LTF: variants seen among roughly 807,000 people sequenced by gnomAD.
LTF encodes the protein lactotransferrin, also known as epididymis luminal protein 110.
A neutral mutation model predicts 87.2 loss-of-function variants in LTF; 91 were observed. That is an observed-to-expected ratio of 1.04 (90% CI 0.88 to 1.24). LTF has a LOEUF of 1.24. LTF is among the 50% of genes most tolerant of loss of function. The pLI is 0.00. For synonymous variants in LTF, 378 were observed against 356.1 expected (o/e 1.06, Z -0.69); for missense variants, 901 against 904.3 (o/e 1.00, Z 0.05).
chr3:46,463,278 G>A (rs926944883), intron 1 of LTF, among the ~76,000 whole-genome samples: 2 of 152,210 alleles, frequency 1.3e-5, no homozygotes, highest in Non-Finnish European at 2.9e-5. Context: ...GCCAGGACAG[G>A]AGTTACTCTC....
chr3:46,446,568 A>C, intron 10 of LTF, 75 bp from the exon 11 acceptor site: 4 of 1,247,654 alleles, frequency 3.2e-6, no homozygotes, highest in Non-Finnish European at 4.7e-6. Context: ...TTAAATCTCA[A>C]TGATGCAGAA....
intron 1 of LTF, chr3:46,460,631 C>T: frequency 2.2e-6 from 1 of 453,428 alleles, no homozygotes; most frequent in South Asian, 1.6e-5. Flanking sequence ...TGGTGAAAGA[C>T]TGACTGCTTT....
intron 7 of LTF, 32 bp from the exon 8 acceptor site, chr3:46,450,060 A>G: frequency 6.6e-7 from 1 of 1,523,624 alleles, no homozygotes; most frequent in Non-Finnish European, 8.9e-7. Context: ...TATGGTGTCA[A>G]TGGTAAATAG....
At chr3:46,481,270 G>A (rs1247009274) in intron 1 of LTF, among the ~76,000 whole-genome samples, 2 of 152,184 alleles carry the variant, frequency 1.3e-5, no homozygotes, top group Non-Finnish European at 1.5e-5. Flanking sequence ...CAACTAGGCT[G>A]GCCAGCTTGT....
chr3:46,459,901 A>G, intron 1 of LTF, 82 bp from the exon 2 acceptor site: 1 of 1,020,710 alleles, frequency 9.8e-7, no homozygotes, highest in Non-Finnish European at 1.3e-6. Flanking sequence ...AGTTTTCCAG[A>G]CTCCTCCCTC....
intron 1 of LTF, among the ~76,000 whole-genome samples, chr3:46,475,400 A>G (rs1295883780): frequency 6.6e-6 from 1 of 152,176 alleles, no homozygotes; most frequent in Non-Finnish European, 1.5e-5. Context: ...ATACTCTCCA[A>G]TACATTCCAT....
At chr3:46,477,486 C>T (rs1211962339) in intron 1 of LTF, among the ~76,000 whole-genome samples, 2 of 152,220 alleles carry the variant, frequency 1.3e-5, no homozygotes, top group Non-Finnish European at 2.9e-5. Context: ...ACATCGCAGG[C>T]AGGGGAGTTT....
chr3:46,456,024 G>A (rs1203040859), intron 3 of LTF, 46 bp from the exon 4 acceptor site: 3 of 1,492,372 alleles, frequency 2.0e-6, no homozygotes, highest in Non-Finnish European at 8.9e-7. Flanking sequence ...CTGGACAAGA[G>A]GGACAAAAAC....
rs1429889056 is a variant in LTF at position 46,447,288 on chromosome 3, A to C, written c.1303+20T>G. 9 of 1,600,414 alleles carry C rather than the reference A, an allele frequency of 5.6e-6. No individual in the cohort carries two copies. Among genetic ancestry groups the C allele is most frequent in the Non-Finnish European group, 7.7e-6 (9 of 1,167,532 alleles). On this transcript the variant is annotated intron_variant, in intron 10 of 16. Coordinates refer to ENST00000231751, the MANE Select transcript of LTF (RefSeq NM_002343.6). Reference sequence around the variant, plus strand: ...CCATGACCCAGAGGGAATATACCAGAGGATGCTAACTCCACTTACTGTAGT... The same window carrying C: ...CCATGACCCAGAGGGAATATACCAGCGGATGCTAACTCCACTTACTGTAGT...
intron 1 of LTF, 105 bp downstream of exon 1, chr3:46,464,720 G>C: frequency 7.8e-7 from 1 of 1,281,760 alleles, no homozygotes; most frequent in Non-Finnish European, 1.1e-6. Context: ...GCGGGGCGCA[G>C]AGACCCCGCG....
intron 1 of LTF, among the ~76,000 whole-genome samples, chr3:46,477,477 C>T (rs1257497910): frequency 1.3e-5 from 2 of 152,234 alleles, no homozygotes; most frequent in African/African-American, 4.8e-5. Context: ...AGTGGTTAAA[C>T]ATCGCAGGCA....
intron 6 of LTF, among the ~76,000 whole-genome samples, chr3:46,452,728 A>G (rs1042858618): frequency 7.2e-5 from 11 of 152,248 alleles, no homozygotes; most frequent in African/African-American, 2.7e-4. Flanking sequence ...GGATATATAC[A>G]AACTTGGTGT....
intron 1 of LTF, among the ~76,000 whole-genome samples, chr3:46,478,966 C>A (rs944916384): frequency 6.6e-6 from 1 of 152,232 alleles, no homozygotes; most frequent in Admixed American, 6.5e-5. Flanking sequence ...GTTCCCTCAA[C>A]TAAAGCCATC....
rs370285944 is a variant in LTF at position 46,445,245 on chromosome 3, G to A, written c.1513+36C>T. On this transcript the variant is annotated intron_variant, in intron 12 of 16. Transcript: ENST00000231751. ...CACAGCACAATATGCCTACCCTCCA[G>A]GGTGGCCCACCCACCGCACCTTTGG... 3.2e-6 allele frequency: 5 copies of A among 1,577,196 alleles called. No individual in the cohort carries two copies. In the South Asian group the frequency reaches 5.8e-5, roughly 18 times the overall value.
rs1702627289 is a variant in LTF at position 46,445,395 on chromosome 3, G to A, written c.1399C>T (p.Leu467Phe). The A allele has an allele frequency of 6.2e-7, 1 of 1,613,756 alleles. No individual in the cohort carries two copies. Among genetic ancestry groups the A allele is most frequent in the African/African-American group, 1.3e-5 (1 of 74,904 alleles). Residue 467 changes from leucine (L) to phenylalanine (F), a missense_variant, in exon 12 of 17, where the codon CTT becomes TTT. Coordinates refer to ENST00000231751, the MANE Select transcript of LTF (RefSeq NM_002343.6). The part of the protein sequence containing the change: ...VAVVRRSDTS[L>F]TWNSVKGKKS... ...TTGCCTTTCACAGAGTTCCAGGTAA[G>A]GCTAGTGTCTGATCTCCTAACCACC...
intron 3 of LTF, 37 bp downstream of exon 3, chr3:46,456,253 G>A (rs1475662014): frequency 1.3e-6 from 2 of 1,552,868 alleles, no homozygotes; most frequent in Non-Finnish European, 1.8e-6. Context: ...CACAGGCTGA[G>A]GCCACCGTGG....
upstream of LTF, among the ~76,000 whole-genome samples, chr3:46,465,830 T>C (rs1488186893): frequency 6.6e-6 from 1 of 152,148 alleles, no homozygotes; most frequent in Non-Finnish European, 1.5e-5. Flanking sequence ...CATTAATCAG[T>C]TGGAAGCAAA....
chr3:46,473,704 C>T (rs1460646767), intron 1 of LTF, among the ~76,000 whole-genome samples: 2 of 152,188 alleles, frequency 1.3e-5, no homozygotes, highest in Admixed American at 1.3e-4. Flanking sequence ...CTCCATCTCA[C>T]ACTCTGACCT....
At chr3:46,437,301 G>C (rs1318192890) in intron 16 of LTF, among the ~76,000 whole-genome samples, 2 of 149,818 alleles carry the variant, frequency 1.3e-5, no homozygotes, top group Admixed American at 6.7e-5. Flanking sequence ...TGGCATCTAT[G>C]GTAACTGTCT....
Sources: gnomAD v4.1 joint callset for allele counts (sites outside exome capture counted in the v4.1 genomes callset) on GRCh38, gnomAD v4.1.1 for gene constraint, MANE v1.5 for transcripts, NCBI Gene and HGNC (gene_info 2026-07-23, HGNC 2026-07-21) for gene names.